The following TLL1 variants were observed in gnomAD, a reference collection of about 807,000 sequenced individuals.
TLL1 encodes tolloid like 1.
A neutral mutation model predicts 128.2 loss-of-function variants in TLL1; 49 were observed. The observed-to-expected ratio is 0.38, with a 90% confidence interval of 0.30 to 0.48. The LOEUF (loss-of-function observed/expected upper bound fraction) is 0.48. TLL1 is among the 20% of genes least tolerant of loss of function. The pLI, the probability that TLL1 is intolerant of heterozygous loss-of-function variation, is 0.96. For missense variants in TLL1, 1,123 were observed against 1,242.0 expected, an observed-to-expected ratio of 0.90 and a Z score of 1.44; for synonymous variants, 454 against 418.8, an observed-to-expected ratio of 1.08 and a Z score of -1.03.
Position 166,063,998 on chromosome 4 carries a change from TA to T in TLL1, c.2008-1674del, listed in dbSNP as rs962303220. Among the ~76,000 whole-genome samples the T allele has an allele frequency of 9.3e-3, 1,339 of 144,110 alleles. 12 individuals carry two copies. Among genetic ancestry groups the T allele is most frequent in the Middle Eastern group, 0.046 (13 of 284 alleles). The allele number at this position is 144,110 out of a possible 152,430, so 94.5% of individuals were successfully genotyped here. A position where few individuals can be genotyped will look rare whatever the true frequency, so the allele number is the denominator to read the frequency against. ...ACCCTAGAACTTAAAGTATAATAAT[TA>T]AAAAAAAAAAGAAATGTGATGAACT... On this transcript the variant is annotated intron_variant, in intron 15 of 20. Transcript: ENST00000061240.
At chr4:165,973,961 C>G (rs1270143732) in intron 1 of TLL1, among the ~76,000 whole-genome samples, 1 of 151,516 alleles carries the variant, frequency 6.6e-6, no homozygotes, top group Admixed American at 6.6e-5. Context: ...CCACTGTGCC[C>G]AACCAGCGTT....
At chr4:166,047,239 A>C (rs1579669427) in intron 12 of TLL1, among the ~76,000 whole-genome samples, 1 of 151,172 alleles carries the variant, frequency 6.6e-6, no homozygotes, top group Non-Finnish European at 1.5e-5. Flanking sequence ...ATCTCGGTTC[A>C]CTGCAACCTC....
chr4:165,873,823 G>A lies in TLL1; in HGVS notation c.-82G>A. ...TCCGGGTGGGGAGAAGAGCACCGGT[G>A]CCCCTAGCCCCGCACATCAGCGCGG... On this transcript the variant is annotated 5_prime_UTR_variant, in exon 1 of 21. Coordinates refer to ENST00000061240, the MANE Select transcript of TLL1 (RefSeq NM_012464.5). The A allele has an allele frequency of 6.6e-7, 1 of 1,525,860 alleles. No individual in the cohort carries two copies. Among genetic ancestry groups the A allele is most frequent in the Non-Finnish European group, 9.0e-7 (1 of 1,106,722 alleles). 94.5% of individuals were successfully genotyped at this position (1,525,860 alleles called of 1,614,324 possible).
chr4:165,987,406 G>C (rs1001903654), intron 1 of TLL1, among the ~76,000 whole-genome samples: 1 of 152,098 alleles, frequency 6.6e-6, no homozygotes, highest in African/African-American at 2.4e-5. Flanking sequence ...TGGAGCATTA[G>C]TGTTTTCTGC....
chr4:165,904,025 G>C (rs4691223), intron 1 of TLL1, among the ~76,000 whole-genome samples: 5 of 151,852 alleles, frequency 3.3e-5, no homozygotes, highest in Non-Finnish European at 5.9e-5. Flanking sequence ...TCTTGTTGCT[G>C]ATATGTTAGA....
At chr4:165,965,953 G>A (rs1197000020) in intron 1 of TLL1, among the ~76,000 whole-genome samples, 1 of 152,048 alleles carries the variant, frequency 6.6e-6, no homozygotes, top group African/African-American at 2.4e-5. Context: ...GGCTGAGGTG[G>A]GTGGATCACG....
intron 7 of TLL1, 37 bp from the exon 8 acceptor site, chr4:166,014,399 G>GGT (rs1737840003): frequency 6.2e-7 from 1 of 1,610,634 alleles, no homozygotes; most frequent in Non-Finnish European, 8.5e-7. Context: ...GTTTTCATTT[G>GGT]GTGACTTAGG....
At chr4:166,020,559 C>T (rs1018213942) in intron 8 of TLL1, among the ~76,000 whole-genome samples, 1 of 152,118 alleles carries the variant, frequency 6.6e-6, no homozygotes, top group Non-Finnish European at 1.5e-5. Flanking sequence ...CTATGATTCT[C>T]ATTTTCTAAA....
chr4:165,951,066 G>T (rs986018384), intron 1 of TLL1, among the ~76,000 whole-genome samples: 1 of 152,090 alleles, frequency 6.6e-6, no homozygotes, highest in East Asian at 1.9e-4. Context: ...GGAATGAAAA[G>T]AGGGGATGTA....
At chr4:165,922,377 G>T (rs1486132023) in intron 1 of TLL1, among the ~76,000 whole-genome samples, 1 of 152,138 alleles carries the variant, frequency 6.6e-6, no homozygotes, top group Non-Finnish European at 1.5e-5. Flanking sequence ...CGTAGCTATG[G>T]TTTGCCATCC....
At position 166,055,254 on chromosome 4, in the gene TLL1, C is replaced by T. The variant is rs769211055; in HGVS notation, c.1703C>T (p.Ala568Val). The change falls in exon 13 of 21, where the codon GCT becomes GTT. Residue 568 changes from alanine to valine, a missense_variant. By Grantham distance (64) the Ala-to-Val change is moderately conservative. This residue lies in a region of TLL1 where 634 missense variants were observed against 672.4 expected (regional missense o/e 0.94). Coordinates refer to ENST00000061240, the MANE Select transcript of TLL1 (RefSeq NM_012464.5). ...GGAACTGTGAACAAAGCAGGGTTTGCTGCTAACTTTTTTAAAGGTAATTTG... is the reference window on the plus strand; with the variant it reads ...GGAACTGTGAACAAAGCAGGGTTTGTTGCTAACTTTTTTAAAGGTAATTTG... The part of the protein sequence containing the change: ...SDGTVNKAGF[A>V]ANFFKEEDEC... 1 of 1,613,520 alleles carries T rather than the reference C, an allele frequency of 6.2e-7. No individual in the cohort carries two copies. Among genetic ancestry groups the T allele is most frequent in the Non-Finnish European group, 8.5e-7 (1 of 1,179,758 alleles).
intron 1 of TLL1, among the ~76,000 whole-genome samples, chr4:165,895,087 G>A (rs1030087376): frequency 1.3e-5 from 2 of 151,976 alleles, no homozygotes; most frequent in African/African-American, 4.8e-5. Flanking sequence ...AATTTGTTAA[G>A]GCCTGCTTGC....
At chr4:165,969,437 T>C (rs1735534933) in intron 1 of TLL1, among the ~76,000 whole-genome samples, 1 of 152,152 alleles carries the variant, frequency 6.6e-6, no homozygotes, top group Non-Finnish European at 1.5e-5. Context: ...TTTTATTTGA[T>C]GGAGGTGGAG....
Position 165,961,369 on chromosome 4 carries a change from A to G in TLL1, c.170-28012A>G, listed in dbSNP as rs144843240. Among the ~76,000 whole-genome samples, 607 of 152,290 alleles carry G rather than the reference A, an allele frequency of 4.0e-3. 4 individuals carry two copies. Among genetic ancestry groups the G allele is most frequent in the African/African-American group, 0.013 (550 of 41,564 alleles). On this transcript the variant is annotated intron_variant, in intron 1 of 20. Coordinates refer to ENST00000061240, the MANE Select transcript of TLL1 (RefSeq NM_012464.5). ...TTCTGTGCTCATGATTGGAAGAATC[A>G]ATATTCTTAAAATGGCCATACTGCC...
chr4:165,977,832 C>T (rs953788416), intron 1 of TLL1, among the ~76,000 whole-genome samples: 3 of 152,088 alleles, frequency 2.0e-5, no homozygotes, highest in African/African-American at 7.2e-5. Context: ...ATTCCCAAAA[C>T]GTAAATACAA....
intron 7 of TLL1, among the ~76,000 whole-genome samples, chr4:166,009,893 G>A (rs1234520373): frequency 6.6e-6 from 1 of 151,088 alleles, no homozygotes; most frequent in Non-Finnish European, 1.5e-5. Context: ...TGTTATTTAA[G>A]TATATTGACA....
intron 9 of TLL1, among the ~76,000 whole-genome samples, chr4:166,036,626 T>C (rs928510856): frequency 1.1e-4 from 17 of 152,164 alleles, no homozygotes; most frequent in Admixed American, 9.2e-4. Context: ...GCCCTATGAT[T>C]TGATTTTAGA....
At chr4:165,911,373 ATTC>A (rs961897183) in intron 1 of TLL1, among the ~76,000 whole-genome samples, 1 of 152,166 alleles carries the variant, frequency 6.6e-6, no homozygotes, top group Non-Finnish European at 1.5e-5. Context: ...ATGTGATTTC[ATTC>A]TTTTTTATGG....
chr4:166,055,861 A>C (rs1375755856), intron 13 of TLL1, among the ~76,000 whole-genome samples: 1 of 152,168 alleles, frequency 6.6e-6, no homozygotes, highest in Non-Finnish European at 1.5e-5. Flanking sequence ...TTAACATCAC[A>C]TATGCATTTA....
Sources: gnomAD v4.1 joint callset for allele counts (sites outside exome capture counted in the v4.1 genomes callset) on GRCh38, gnomAD v4.1.1 for gene constraint, gnomAD v4.1.1 regional missense constraint, MANE v1.5 for transcripts, NCBI Gene and HGNC (gene_info 2026-07-23, HGNC 2026-07-21) for gene names.